AKAP13: variants seen among roughly 807,000 people sequenced by gnomAD.
The protein encoded by AKAP13 is A-kinase anchoring protein 13.
A neutral mutation model predicts 264.5 loss-of-function variants in AKAP13; 80 were observed. The observed-to-expected ratio is 0.30, with a 90% CI of 0.25 to 0.36. The LOEUF is 0.36. AKAP13 is among the 10% of genes least tolerant of loss of function. The probability of loss-of-function intolerance (pLI) is 1.00; values close to 1 mark genes in which losing one functional copy is unlikely to be tolerated. For missense variants in AKAP13, 3,712 were observed against 3,435.2 expected (o/e 1.08, Z -2.01); for synonymous variants, 1,380 against 1,250.2 (o/e 1.10, Z -2.19).
intron 19 of AKAP13, among the ~76,000 whole-genome samples, chr15:85,712,803 C>T (rs1366266006): frequency 6.6e-6 from 1 of 152,302 alleles, no homozygotes; most frequent in African/African-American, 2.4e-5. Context: ...CTTGGCCTCC[C>T]AAAGTGCTGG....
At chr15:85,401,424 A>C (rs2071415870) in intron 1 of AKAP13, among the ~76,000 whole-genome samples, 1 of 152,126 alleles carries the variant, frequency 6.6e-6, no homozygotes, top group Non-Finnish European at 1.5e-5. Context: ...AGACCTCCCA[A>C]AGGACCTCTG....
intron 16 of AKAP13, chr15:85,691,721 T>C (rs749880725): frequency 9.0e-6 from 4 of 446,066 alleles, no homozygotes; most frequent in Non-Finnish European, 9.0e-6. Context: ...GCTTTGTACC[T>C]AGCCCGGTTT....
intron 9 of AKAP13, among the ~76,000 whole-genome samples, chr15:85,643,277 C>T (rs1354111462): frequency 6.6e-6 from 1 of 151,782 alleles, no homozygotes; most frequent in Non-Finnish European, 1.5e-5. Context: ...AACTGCTTCC[C>T]CCCCAACACT....
chr15:85,637,566 T>C (rs1472997537), intron 8 of AKAP13, among the ~76,000 whole-genome samples: 1 of 152,190 alleles, frequency 6.6e-6, no homozygotes, highest in Non-Finnish European at 1.5e-5. Context: ...TTATTGACCC[T>C]TTTAAGGAAC....
chr15:85,399,502 C>CAAAAA (rs71138392), intron 1 of AKAP13, among the ~76,000 whole-genome samples: 11 of 77,084 alleles, frequency 1.4e-4, no homozygotes, highest in East Asian at 3.8e-4. Flanking sequence ...GACTCCGTCT[C>CAAAAA]AAAAAAAAAA....
chr15:85,697,985 A>G (rs989436887), intron 17 of AKAP13, among the ~76,000 whole-genome samples: 1 of 152,220 alleles, frequency 6.6e-6, no homozygotes, highest in African/African-American at 2.4e-5. Flanking sequence ...TTGTCAACAA[A>G]TATTTATTGA....
At chr15:85,687,689 C>T (rs1365609559) in intron 16 of AKAP13, among the ~76,000 whole-genome samples, 6 of 150,108 alleles carry the variant, frequency 4.0e-5, no homozygotes, top group Admixed American at 4.0e-4. Flanking sequence ...GTTACTAGCT[C>T]ACTTTTAAAT....
chr15:85,561,443 A>C (rs1400467728), intron 5 of AKAP13, among the ~76,000 whole-genome samples: 1 of 152,240 alleles, frequency 6.6e-6, no homozygotes, highest in Non-Finnish European at 1.5e-5. Flanking sequence ...GATTGAGCTT[A>C]ACATTGCATC....
intron 8 of AKAP13, among the ~76,000 whole-genome samples, chr15:85,637,873 G>T (rs1348747278): frequency 2.1e-5 from 3 of 143,650 alleles, no homozygotes. Context: ...CTTTCCCTGG[G>T]TTATTTAGAA....
chr15:85,414,891 T>C (rs928026261), intron 1 of AKAP13, among the ~76,000 whole-genome samples: 3 of 152,090 alleles, frequency 2.0e-5, no homozygotes, highest in African/African-American at 7.2e-5. Context: ...GGAGGGTTAG[T>C]ATTCTGTTTT....
chr15:85,604,533 G>A (rs376879698), intron 8 of AKAP13, among the ~76,000 whole-genome samples: 8 of 151,176 alleles, frequency 5.3e-5, no homozygotes, highest in Admixed American at 3.3e-4. Flanking sequence ...CTGCAATCTC[G>A]GCTCATTGCA....
At chr15:85,644,800 A>G (rs1041654965) in intron 9 of AKAP13, among the ~76,000 whole-genome samples, 6 of 151,964 alleles carry the variant, frequency 3.9e-5, no homozygotes, top group African/African-American at 1.5e-4. Flanking sequence ...CAGGAGGCGG[A>G]AGTTGCAAAA....
chr15:85,601,749 A>G (rs192638864), intron 8 of AKAP13, among the ~76,000 whole-genome samples: 2 of 152,082 alleles, frequency 1.3e-5, no homozygotes, highest in East Asian at 3.9e-4. Flanking sequence ...AGCCCCAAAG[A>G]GCTTTTGTTT....
chr15:85,648,777 T>A (rs1048259586), intron 10 of AKAP13, among the ~76,000 whole-genome samples: 1 of 152,114 alleles, frequency 6.6e-6, no homozygotes, highest in Non-Finnish European at 1.5e-5. Flanking sequence ...AGGTTAACGC[T>A]GCAGTGAGCC....
intron 10 of AKAP13, among the ~76,000 whole-genome samples, chr15:85,650,034 C>G (rs555590029): frequency 3.9e-5 from 6 of 151,968 alleles, no homozygotes; most frequent in Non-Finnish European, 7.4e-5. Context: ...GATACAAAAC[C>G]TAAAGGGAAC....
chr15:85,635,391 C>T (rs2082028023), intron 8 of AKAP13, among the ~76,000 whole-genome samples: 1 of 151,980 alleles, frequency 6.6e-6, no homozygotes, highest in African/African-American at 2.4e-5. Context: ...AAATCTTTTA[C>T]CCATTTAAAA....
chr15:85,722,484 T>C, intron 25 of AKAP13, 137 bp downstream of exon 25: 1 of 754,664 alleles, frequency 1.3e-6, no homozygotes, highest in Non-Finnish European at 2.1e-6. Flanking sequence ...TCTTGAATTT[T>C]GTTGAATGAA....
At chr15:85,446,105 A>G (rs1222743166) in intron 1 of AKAP13, among the ~76,000 whole-genome samples, 1 of 152,214 alleles carries the variant, frequency 6.6e-6, no homozygotes, top group Non-Finnish European at 1.5e-5. Flanking sequence ...AGGTATAGAT[A>G]GTGATTTGGG....
chr15:85,583,197 A>G (rs2079195815), intron 7 of AKAP13: 1 of 983,928 alleles, frequency 1.0e-6, no homozygotes, highest in Admixed American at 6.2e-5. Context: ...TTTATTGTTT[A>G]TTTTTGCTGT....
Sources: gnomAD v4.1 joint callset for allele counts (sites outside exome capture counted in the v4.1 genomes callset) on GRCh38, gnomAD v4.1.1 for gene constraint, MANE v1.5 for transcripts, NCBI Gene and HGNC (gene_info 2026-07-23, HGNC 2026-07-21) for gene names.